FRMD5: variants seen among roughly 807,000 people sequenced by gnomAD.
FRMD5 encodes the protein FERM domain-containing protein 5.
Under a neutral mutation model 69.0 loss-of-function variants are expected in FRMD5, and 20 were observed. The ratio of observed to expected loss-of-function variants is 0.29; its 90% CI spans 0.20 to 0.42. The LOEUF is 0.42. FRMD5 is among the 10% of genes least tolerant of loss of function. The pLI is 1.00. For synonymous variants in FRMD5, 271 were observed against 260.1 expected (o/e 1.04, Z -0.40); for missense variants, 595 against 708.6 (o/e 0.84, Z 1.82).
chr15:43,959,939 C>T (rs193110892), intron 1 of FRMD5, among the ~76,000 whole-genome samples: 46 of 152,278 alleles, frequency 3.0e-4, no homozygotes, highest in Admixed American at 8.5e-4. Flanking sequence ...TTTTTTGAGA[C>T]GGAGTTTCGC....
chr15:44,130,767 A>G (rs1382376558), intron 1 of FRMD5, among the ~76,000 whole-genome samples: 5 of 152,162 alleles, frequency 3.3e-5, no homozygotes, highest in Non-Finnish European at 7.4e-5. Flanking sequence ...TAGAACTTCA[A>G]AGCACAAAAT....
chr15:44,106,415 A>T (rs1836733174), intron 1 of FRMD5, among the ~76,000 whole-genome samples: 1 of 152,178 alleles, frequency 6.6e-6, no homozygotes, highest in African/African-American at 2.4e-5. Context: ...CCCACCCTGC[A>T]TGCAGTAACA....
chr15:44,159,380 C>T (rs568113971), intron 1 of FRMD5, among the ~76,000 whole-genome samples: 96 of 151,920 alleles, frequency 6.3e-4, no homozygotes, highest in African/African-American at 2.1e-3. Flanking sequence ...TAAAGGAGTA[C>T]GGAGGCTAAA....
chr15:43,881,689 C>T (rs2088534308), intron 13 of FRMD5, among the ~76,000 whole-genome samples: 1 of 152,162 alleles, frequency 6.6e-6, no homozygotes, highest in Non-Finnish European at 1.5e-5. Context: ...TCCTTGCAAC[C>T]AATGGGGTGG....
chr15:43,999,469 A>G (rs1890082891), intron 1 of FRMD5, among the ~76,000 whole-genome samples: 4 of 152,090 alleles, frequency 2.6e-5, no homozygotes, highest in Admixed American at 2.6e-4. Context: ...CTCTACACCC[A>G]TTTAAAAACT....
chr15:44,022,942 A>G (rs1891276098), intron 1 of FRMD5, among the ~76,000 whole-genome samples: 2 of 152,210 alleles, frequency 1.3e-5, no homozygotes, highest in African/African-American at 4.8e-5. Context: ...CTTCAGGTAG[A>G]TCAGAAAAAT....
At chr15:44,018,019 T>C (rs972500260) in intron 1 of FRMD5, among the ~76,000 whole-genome samples, 2 of 152,128 alleles carry the variant, frequency 1.3e-5, no homozygotes, top group African/African-American at 4.8e-5. Flanking sequence ...TTTTTGCTTA[T>C]AAGGAAAGAG....
intron 1 of FRMD5, among the ~76,000 whole-genome samples, chr15:44,020,811 G>A (rs756659554): frequency 6.6e-6 from 1 of 152,092 alleles, no homozygotes; most frequent in African/African-American, 2.4e-5. Context: ...GATTTCAGTG[G>A]TGTAAGTACT....
chr15:44,076,326 A>G (rs1321179662), intron 1 of FRMD5, among the ~76,000 whole-genome samples: 1 of 151,298 alleles, frequency 6.6e-6, no homozygotes, highest in Non-Finnish European at 1.5e-5. Context: ...ATGCACACGT[A>G]TGTTTATTGT....
chr15:44,084,596 T>C (rs1020320131), intron 1 of FRMD5, among the ~76,000 whole-genome samples: 3 of 152,112 alleles, frequency 2.0e-5, no homozygotes, highest in Non-Finnish European at 4.4e-5. Flanking sequence ...TAAACCTTTT[T>C]TGTATATTAT....
intron 1 of FRMD5, among the ~76,000 whole-genome samples, chr15:43,985,280 CAAAAAAAAAAAA>C (rs34455065): frequency 3.5e-4 from 27 of 77,258 alleles, no homozygotes; most frequent in Non-Finnish European, 1.6e-4. Context: ...GACTCCGTCT[CAAAAAAAAAAAA>C]AAAAAAAAAA....
At chr15:44,191,899 A>G (rs941338991) in intron 1 of FRMD5, among the ~76,000 whole-genome samples, 1 of 724 alleles carries the variant, frequency 1.4e-3, no homozygotes, top group African/African-American at 2.2e-3. Flanking sequence ...GTAAATATAT[A>G]TATATATATA....
intron 2 of FRMD5, among the ~76,000 whole-genome samples, chr15:43,921,963 AG>A (rs1289132976): frequency 1.3e-5 from 2 of 152,226 alleles, no homozygotes; most frequent in Admixed American, 6.5e-5. Context: ...CCAGGGAAAG[AG>A]GTTTATTTTA....
At chr15:43,961,217 G>T (rs2090194188) in intron 1 of FRMD5, among the ~76,000 whole-genome samples, 1 of 151,902 alleles carries the variant, frequency 6.6e-6, no homozygotes, top group Admixed American at 6.6e-5. Flanking sequence ...AATGACAAAG[G>T]GGATATCACC....
intron 13 of FRMD5, among the ~76,000 whole-genome samples, chr15:43,877,663 T>C (rs368881887): frequency 1.2e-4 from 19 of 152,260 alleles, no homozygotes; most frequent in Admixed American, 7.2e-4. Flanking sequence ...GCTCTCAATC[T>C]CTGCTTTCAG....
At chr15:44,006,213 T>C (rs1241381204) in intron 1 of FRMD5, among the ~76,000 whole-genome samples, 2 of 152,236 alleles carry the variant, frequency 1.3e-5, no homozygotes, top group African/African-American at 4.8e-5. Context: ...ATTGTGCCTG[T>C]GCTCTATAAA....
rs370840444 is a variant in FRMD5 at position 44,118,077 on chromosome 15, T to C, written c.102+76876A>G. Among the ~76,000 whole-genome samples the C allele has an allele frequency of 1.6e-4, 24 of 149,884 alleles. No homozygotes were observed. In the East Asian group the frequency reaches 3.1e-3, roughly 19 times the overall value. On this transcript the variant is annotated intron_variant, in intron 1 of 13. Transcript: ENST00000417257. Reference sequence around the variant, plus strand: ...TAATGAAGCTTGCTAGGGGTAGTGATTGAGGAGGATACATGTATTCCAGTA... The same window carrying C: ...TAATGAAGCTTGCTAGGGGTAGTGACTGAGGAGGATACATGTATTCCAGTA...
chr15:44,135,110 A>AT (rs1334237349), intron 1 of FRMD5, among the ~76,000 whole-genome samples: 2 of 152,248 alleles, frequency 1.3e-5, no homozygotes, highest in Non-Finnish European at 2.9e-5. Flanking sequence ...TTTCTAAAAA[A>AT]GTTTGAATCC....
intron 10 of FRMD5, among the ~76,000 whole-genome samples, chr15:43,886,852 G>C (rs1283099061): frequency 1.2e-4 from 19 of 152,176 alleles, no homozygotes; most frequent in Admixed American, 1.2e-3. Flanking sequence ...CCAGAGACTT[G>C]ACATACCTGG....
Sources: gnomAD v4.1 joint callset for allele counts (sites outside exome capture counted in the v4.1 genomes callset) on GRCh38, gnomAD v4.1.1 for gene constraint, MANE v1.5 for transcripts, NCBI Gene and HGNC (gene_info 2026-07-23, HGNC 2026-07-21) for gene names.